Variants in YIPF1 observed in about 807,000 individuals in gnomAD.
The protein encoded by YIPF1 is Yip1 domain family member 1.
Under a neutral mutation model 37.0 loss-of-function variants are expected in YIPF1, and 22 were observed. The observed-to-expected ratio is 0.59, with a 90% CI of 0.42 to 0.85. The LOEUF (loss-of-function observed/expected upper bound fraction) is 0.85, where lower values mean the gene tolerates loss of function less well. Ranked by LOEUF, YIPF1 falls within the 40% of genes least tolerant of loss-of-function variation. YIPF1 has a pLI of 0.00. For synonymous variants in YIPF1, 128 were observed against 131.9 expected, an observed-to-expected ratio of 0.97 and a Z score of 0.21; for missense variants, 355 against 373.1, an observed-to-expected ratio of 0.95 and a Z score of 0.40.
At chr1:53,856,507 C>T (rs1481044849) in intron 10 of YIPF1, among the ~76,000 whole-genome samples, 1 of 152,134 alleles carries the variant, frequency 6.6e-6, no homozygotes, top group Non-Finnish European at 1.5e-5. Flanking sequence ...GAGTCCACAT[C>T]GTCTTATCAT....
chr1:53,853,333 A>G (rs1161931661), intron 10 of YIPF1, among the ~76,000 whole-genome samples: 1 of 152,232 alleles, frequency 6.6e-6, no homozygotes, highest in Non-Finnish European at 1.5e-5. Context: ...AGTATAAATG[A>G]TGGTGCCATT....
At chr1:53,863,970 G>A (rs748306822) in intron 9 of YIPF1, among the ~76,000 whole-genome samples, 6 of 152,160 alleles carry the variant, frequency 3.9e-5, no homozygotes, top group Non-Finnish European at 7.3e-5. Flanking sequence ...TCGAACTCCT[G>A]AGTTCAAGCC....
chr1:53,882,452 C>CA (rs1553155853), intron 4 of YIPF1, among the ~76,000 whole-genome samples: 1 of 148,200 alleles, frequency 6.7e-6, no homozygotes, highest in Non-Finnish European at 1.5e-5. Flanking sequence ...TCAATCTTTC[C>CA]TTTTTTTTTT....
At chr1:53,872,913 A>C (rs1417724052) in intron 6 of YIPF1, among the ~76,000 whole-genome samples, 1 of 152,190 alleles carries the variant, frequency 6.6e-6, no homozygotes, top group Non-Finnish European at 1.5e-5. Context: ...GACCACACAT[A>C]AGAGTGGCAA....
intron 9 of YIPF1, among the ~76,000 whole-genome samples, chr1:53,864,304 G>A (rs887620733): frequency 6.6e-6 from 1 of 152,202 alleles, no homozygotes; most frequent in African/African-American, 2.4e-5. Flanking sequence ...AAGAGTCACG[G>A]CAGCATTTTA....
In YIPF1 at chr1:53,857,959, C is replaced by T. The variant is rs183981732; in HGVS notation, c.*8+2097G>A. ...TTGCGCCACTGCACTCCAGCCTGGG[C>T]GACAGAGTGAGACTCCACCTCAAAA... is the stretch of plus-strand genomic sequence containing the variant. On this transcript the variant is annotated intron_variant, in intron 10 of 10. Transcript: ENST00000072644. 1.3e-4 allele frequency among the ~76,000 whole-genome samples: 18 copies of T among 134,956 alleles called. No individual in the cohort carries two copies. In the East Asian group the frequency reaches 3.1e-3, roughly 23 times the overall value. 88.5% of individuals were successfully genotyped at this position (134,956 alleles called of 152,430 possible). A position where few individuals can be genotyped will look rare whatever the true frequency, so the allele number is the denominator to read the frequency against.
At chr1:53,856,716 T>C (rs927380093) in intron 10 of YIPF1, among the ~76,000 whole-genome samples, 1 of 152,214 alleles carries the variant, frequency 6.6e-6, no homozygotes, top group African/African-American at 2.4e-5. Context: ...ACAACTTGGC[T>C]ATGGCATTTA....
At chr1:53,879,042 T>A (rs191868021) in intron 4 of YIPF1, among the ~76,000 whole-genome samples, 2 of 152,032 alleles carry the variant, frequency 1.3e-5, no homozygotes, top group East Asian at 1.9e-4. Flanking sequence ...TGTACAATAA[T>A]AAATACATAT....
chr1:53,875,748 T>C (rs1650319105), intron 6 of YIPF1, among the ~76,000 whole-genome samples: 1 of 152,250 alleles, frequency 6.6e-6, no homozygotes, highest in Non-Finnish European at 1.5e-5. Context: ...TTGCACTTGC[T>C]GATCCTTCTG....
intron 7 of YIPF1, among the ~76,000 whole-genome samples, chr1:53,868,605 T>G (rs757481692): frequency 1.6e-4 from 25 of 152,166 alleles, no homozygotes; most frequent in Non-Finnish European, 3.1e-4. Flanking sequence ...ATTTTAGAGA[T>G]GAGGAAAAGG....
chr1:53,857,869 T>C (rs1358189206), intron 10 of YIPF1, among the ~76,000 whole-genome samples: 1 of 150,872 alleles, frequency 6.6e-6, no homozygotes, highest in Non-Finnish European at 1.5e-5. Context: ...TAATCTCAGC[T>C]ACTTGGGAGG....
At chr1:53,883,346 A>C in intron 3 of YIPF1, 70 bp from the exon 4 acceptor site, 1 of 1,427,996 alleles carries the variant, frequency 7.0e-7, no homozygotes, top group Non-Finnish European at 9.2e-7. Context: ...TTTGAATTTA[A>C]AGACAAGCTG....
At chr1:53,873,367 G>T (rs1650243889) in intron 6 of YIPF1, among the ~76,000 whole-genome samples, 1 of 152,218 alleles carries the variant, frequency 6.6e-6, no homozygotes, top group Non-Finnish European at 1.5e-5. Flanking sequence ...TCCGTGAAGA[G>T]GGAATAGCAG....
intron 10 of YIPF1, among the ~76,000 whole-genome samples, chr1:53,856,876 G>A (rs1261199720): frequency 6.6e-6 from 1 of 152,122 alleles, no homozygotes. Context: ...TTGTGTAATT[G>A]CCTCCCCTAG....
chr1:53,877,093 C>A (rs978008006), intron 6 of YIPF1, among the ~76,000 whole-genome samples: 3 of 152,168 alleles, frequency 2.0e-5, no homozygotes, highest in African/African-American at 7.2e-5. Flanking sequence ...CAGAGTCTAG[C>A]ATAAAATAAG....
At chr1:53,869,160 T>TCA (rs55922911) in intron 7 of YIPF1, among the ~76,000 whole-genome samples, 5,860 of 137,938 alleles carry the variant, frequency 0.042, 143 homozygotes, top group Middle Eastern at 0.077. Flanking sequence ...TCTCTCTCTC[T>TCA]CACACACACA....
At chr1:53,867,708 G>A (rs1650070666) in intron 7 of YIPF1, among the ~76,000 whole-genome samples, 1 of 152,232 alleles carries the variant, frequency 6.6e-6, no homozygotes. Context: ...CTTGGGTAGA[G>A]ATTAACTTGC....
At chr1:53,863,993 C>T (rs1465601453) in intron 9 of YIPF1, among the ~76,000 whole-genome samples, 3 of 152,190 alleles carry the variant, frequency 2.0e-5, no homozygotes, top group Non-Finnish European at 4.4e-5. Flanking sequence ...CTGCCTGCAA[C>T]TTCCTCCCAA....
chr1:53,878,124 T>C (rs1187610728), intron 6 of YIPF1, among the ~76,000 whole-genome samples, 191 bp downstream of exon 6: 1 of 152,238 alleles, frequency 6.6e-6, no homozygotes, highest in Non-Finnish European at 1.5e-5. Context: ...CTTGTAATGA[T>C]GACGTGGCAC....
Sources: gnomAD v4.1 joint callset for allele counts (sites outside exome capture counted in the v4.1 genomes callset) on GRCh38, gnomAD v4.1.1 for gene constraint, MANE v1.5 for transcripts, NCBI Gene and HGNC (gene_info 2026-07-23, HGNC 2026-07-21) for gene names.